IGSF11: variants seen among roughly 807,000 people sequenced by gnomAD.
IGSF11 encodes CXADR like 1.
A neutral mutation model predicts 41.0 loss-of-function variants in IGSF11; 22 were observed. The observed-to-expected ratio is 0.54, with a 90% CI of 0.38 to 0.77. IGSF11 has a LOEUF of 0.77. IGSF11 is among the 30% of genes least tolerant of loss of function. IGSF11 has a pLI of 0.00. For missense variants in IGSF11, 444 were observed against 530.8 expected, an observed-to-expected ratio of 0.84 and a Z score of 1.61; for synonymous variants, 219 against 201.3, an observed-to-expected ratio of 1.09 and a Z score of -0.74.
intron 1 of IGSF11, among the ~76,000 whole-genome samples, chr3:118,990,259 A>G (rs2107650792): frequency 6.6e-6 from 1 of 152,330 alleles, no homozygotes. Flanking sequence ...AGAGGGAGGG[A>G]TACAGACCAG....
chr3:118,903,836 A>G (rs963785101), intron 6 of IGSF11, among the ~76,000 whole-genome samples: 1 of 152,208 alleles, frequency 6.6e-6, no homozygotes, highest in African/African-American at 2.4e-5. Flanking sequence ...AAGACAACTT[A>G]TGTGAGGAGG....
chr3:118,914,512 C>T (rs1324071108), intron 4 of IGSF11, among the ~76,000 whole-genome samples: 13 of 151,726 alleles, frequency 8.6e-5, no homozygotes, highest in African/African-American at 2.4e-4. Context: ...CCTGGAAAAT[C>T]GGGTCACTCC....
At chr3:118,904,532 T>C (rs2107466702) in intron 6 of IGSF11, 116 bp downstream of exon 6, 1 of 766,692 alleles carries the variant, frequency 1.3e-6, no homozygotes, top group Admixed American at 2.4e-5. Flanking sequence ...ATTTAGCCAC[T>C]TTAATAGTCT....
intron 1 of IGSF11, chr3:119,105,038 G>C: frequency 1.5e-6 from 1 of 654,818 alleles, no homozygotes; most frequent in Non-Finnish European, 2.7e-6. Context: ...AGTAGTAGGA[G>C]AATATACATA....
intron 1 of IGSF11, among the ~76,000 whole-genome samples, chr3:119,016,958 A>C (rs1189389159): frequency 6.6e-6 from 1 of 151,772 alleles, no homozygotes; most frequent in Non-Finnish European, 1.5e-5. Flanking sequence ...GAAAGGAAGA[A>C]GATTAAACAA....
intron 1 of IGSF11, chr3:118,944,781 A>C (rs1943991059): frequency 6.6e-6 from 1 of 152,232 alleles, no homozygotes; most frequent in South Asian, 2.1e-4. Context: ...TTATGTGCCA[A>C]GTATTGTTTT....
At chr3:118,959,069 G>T (rs1945154937) in intron 1 of IGSF11, among the ~76,000 whole-genome samples, 1 of 152,112 alleles carries the variant, frequency 6.6e-6, no homozygotes, top group African/African-American at 2.4e-5. Context: ...CTGTTTTGCT[G>T]GTAAATAATG....
intron 1 of IGSF11, among the ~76,000 whole-genome samples, chr3:119,025,131 G>T (rs1469626625): frequency 2.0e-5 from 3 of 152,010 alleles, no homozygotes; most frequent in Non-Finnish European, 4.4e-5. Context: ...ATATTGGGAG[G>T]GGGAGAGAGA....
chr3:118,986,958 C>A (rs923232094), intron 1 of IGSF11, among the ~76,000 whole-genome samples: 1 of 152,138 alleles, frequency 6.6e-6, no homozygotes, highest in Non-Finnish European at 1.5e-5. Context: ...TAGAACACAG[C>A]GGTAAAGGAG....
chr3:118,951,018 A>G (rs1411528167), intron 1 of IGSF11, among the ~76,000 whole-genome samples: 6 of 152,220 alleles, frequency 3.9e-5, no homozygotes, highest in Non-Finnish European at 1.5e-5. Context: ...GAATATATTT[A>G]CAAGCCATTA....
At chr3:119,070,612 T>A (rs1401562053) in intron 1 of IGSF11, among the ~76,000 whole-genome samples, 1 of 152,196 alleles carries the variant, frequency 6.6e-6, no homozygotes, top group African/African-American at 2.4e-5. Flanking sequence ...TGTTTTTTTA[T>A]TCATTCCTTC....
chr3:118,996,692 C>T (rs1212195419), intron 1 of IGSF11, among the ~76,000 whole-genome samples: 2 of 151,958 alleles, frequency 1.3e-5, no homozygotes, highest in African/African-American at 2.4e-5. Flanking sequence ...CTCTGCCTCC[C>T]GGGTTCACGA....
intron 1 of IGSF11, among the ~76,000 whole-genome samples, chr3:119,084,211 G>C (rs1201020246): frequency 6.6e-6 from 1 of 152,080 alleles, no homozygotes; most frequent in Non-Finnish European, 1.5e-5. Flanking sequence ...CAGATCTTTG[G>C]AGAGAACACA....
At chr3:119,108,051 G>A (rs36138987), upstream of IGSF11, among the ~76,000 whole-genome samples, 1 of 151,622 alleles carries the variant, frequency 6.6e-6, no homozygotes, top group South Asian at 2.1e-4. Context: ...TTTTGGCTTA[G>A]GATTGACTTG....
intron 1 of IGSF11, among the ~76,000 whole-genome samples, chr3:118,939,746 A>ATTAGAAAAGAAGAAAGGT (rs1943541493): frequency 6.6e-6 from 1 of 152,236 alleles, no homozygotes; most frequent in Admixed American, 6.5e-5. Flanking sequence ...AAATGTGCAT[A>ATTAGAAAAGAAGAAAGGT]TTAGAAAAGA....
At chr3:119,114,366 A>G (rs1411601316) in intron 1 of IGSF11, among the ~76,000 whole-genome samples, 1 of 152,228 alleles carries the variant, frequency 6.6e-6, no homozygotes, top group Non-Finnish European at 1.5e-5. Context: ...TCACAAATAT[A>G]AGCCTAGGCT....
At chr3:118,903,751 A>G (rs959254564) in intron 6 of IGSF11, among the ~76,000 whole-genome samples, 2 of 152,334 alleles carry the variant, frequency 1.3e-5, no homozygotes, top group African/African-American at 4.8e-5. Context: ...TCCTACACCT[A>G]AGAAACCTAT....
rs377136329 is a variant in IGSF11, at chr3:119,100,589, G to A, written c.49+4555C>T. Among the ~76,000 whole-genome samples the A allele has an allele frequency of 3.3e-5, 5 of 152,174 alleles. No individual in the cohort carries two copies. The East Asian group carries it at 5.8e-4, about 18-fold the overall frequency. ...TTTTAGTTTATTATCATTTAAATAAGGAGTAGGGAGATCAAAAATATGTAA... is the reference window on the plus strand; with the variant it reads ...TTTTAGTTTATTATCATTTAAATAAAGAGTAGGGAGATCAAAAATATGTAA... On this transcript the variant is annotated intron_variant, in intron 1 of 6. Transcript: ENST00000354673.
chr3:119,072,743 G>C (rs1576763239), intron 1 of IGSF11, among the ~76,000 whole-genome samples: 1 of 151,944 alleles, frequency 6.6e-6, no homozygotes, highest in African/African-American at 2.4e-5. Context: ...AGGCAGTGCA[G>C]ACCCAAAGAG....
Sources: gnomAD v4.1 joint callset for allele counts (sites outside exome capture counted in the v4.1 genomes callset) on GRCh38, gnomAD v4.1.1 for gene constraint, MANE v1.5 for transcripts, NCBI Gene and HGNC (gene_info 2026-07-23, HGNC 2026-07-21) for gene names.